PEX5L: variants seen among roughly 807,000 people sequenced by gnomAD.
PEX5L encodes peroxisomal biogenesis factor 5 like, also known as PEX5-related protein.
A neutral mutation model predicts 84.0 loss-of-function variants in PEX5L; 30 were observed. The observed-to-expected ratio is 0.36, with a 90% CI of 0.27 to 0.48. PEX5L has a LOEUF of 0.48. Ranked by LOEUF, PEX5L falls within the 20% of genes least tolerant of loss-of-function variation. The probability of loss-of-function intolerance (pLI) is 0.99; values close to 1 mark genes in which losing one functional copy is unlikely to be tolerated. For synonymous variants in PEX5L, 270 were observed against 283.1 expected (o/e 0.95, Z 0.46); for missense variants, 533 against 754.6 (o/e 0.71, Z 3.44).
intron 1 of PEX5L, among the ~76,000 whole-genome samples, chr3:180,013,028 T>G (rs1056955549): frequency 6.6e-5 from 10 of 152,314 alleles, no homozygotes; most frequent in Admixed American, 6.5e-4. Context: ...GGTCCTCAGT[T>G]GAGCTTTCTG....
At chr3:179,888,781 T>C (rs533424303) in intron 3 of PEX5L, among the ~76,000 whole-genome samples, 2 of 152,078 alleles carry the variant, frequency 1.3e-5, no homozygotes, top group South Asian at 4.2e-4. Context: ...TTTTGTTTTT[T>C]AAATAGGCAC....
intron 7 of PEX5L, among the ~76,000 whole-genome samples, chr3:179,861,548 G>A (rs949769549): frequency 2.0e-5 from 3 of 152,216 alleles, no homozygotes; most frequent in Non-Finnish European, 4.4e-5. Context: ...GGGTACCTCT[G>A]GGCTTGCAGG....
intron 1 of PEX5L, among the ~76,000 whole-genome samples, chr3:179,986,919 A>G (rs1372072643): frequency 6.6e-6 from 1 of 152,214 alleles, no homozygotes; most frequent in African/African-American, 2.4e-5. Context: ...AAAGGTCAAC[A>G]GCTCTTTATT....
intron 8 of PEX5L, among the ~76,000 whole-genome samples, chr3:179,828,014 A>T (rs1409956304): frequency 6.6e-6 from 1 of 152,070 alleles, no homozygotes; most frequent in African/African-American, 2.4e-5. Context: ...TCTACATCTG[A>T]CCAAATTTTT....
intron 7 of PEX5L, among the ~76,000 whole-genome samples, chr3:179,862,890 A>G (rs1258069071): frequency 6.6e-6 from 1 of 152,200 alleles, no homozygotes; most frequent in South Asian, 2.1e-4. Context: ...AGCAATCTTG[A>G]GCAAAAAGAA....
intron 8 of PEX5L, among the ~76,000 whole-genome samples, chr3:179,854,767 G>A (rs1463127028): frequency 3.9e-5 from 6 of 152,154 alleles, no homozygotes; most frequent in African/African-American, 1.4e-4. Flanking sequence ...ACCAGACATT[G>A]TTCTAGATAT....
At chr3:179,832,663 C>T (rs887089623) in intron 8 of PEX5L, among the ~76,000 whole-genome samples, 1 of 151,842 alleles carries the variant, frequency 6.6e-6, no homozygotes, top group Non-Finnish European at 1.5e-5. Flanking sequence ...TACCTACCTA[C>T]CCACCAACCT....
At chr3:180,018,750 C>A (rs894832396) in intron 1 of PEX5L, among the ~76,000 whole-genome samples, 1 of 152,148 alleles carries the variant, frequency 6.6e-6, no homozygotes, top group East Asian at 1.9e-4. Context: ...TCACACGAAG[C>A]CTTTCACCCA....
At chr3:179,846,922 A>G (rs4855118) in intron 8 of PEX5L, among the ~76,000 whole-genome samples, 3 of 151,844 alleles carry the variant, frequency 2.0e-5, no homozygotes, top group African/African-American at 7.3e-5. Flanking sequence ...ATGCAAATGG[A>G]AGATCTAGAG....
At chr3:179,882,451 A>G (rs559420692) in intron 4 of PEX5L, among the ~76,000 whole-genome samples, 36 of 152,182 alleles carry the variant, frequency 2.4e-4, no homozygotes, top group Admixed American at 7.2e-4. Flanking sequence ...AATGTGAAAC[A>G]AATGCTTGGC....
intron 2 of PEX5L, among the ~76,000 whole-genome samples, chr3:179,944,736 T>C (rs766343637): frequency 2.0e-4 from 30 of 152,366 alleles, no homozygotes; most frequent in Non-Finnish European, 3.1e-4. Context: ...CAGTTTTCAA[T>C]TGATGTTCAA....
chr3:179,816,633 T>G (rs1726217553), intron 9 of PEX5L, among the ~76,000 whole-genome samples: 1 of 152,138 alleles, frequency 6.6e-6, no homozygotes, highest in African/African-American at 2.4e-5. Flanking sequence ...AAATACTTAA[T>G]GTAGATGATG....
chr3:179,811,324 G>A (rs1723757248), intron 11 of PEX5L, among the ~76,000 whole-genome samples: 1 of 152,062 alleles, frequency 6.6e-6, no homozygotes, highest in Non-Finnish European at 1.5e-5. Context: ...GGTAGGGAAA[G>A]TGGAAGTCTA....
At chr3:180,013,575 T>C (rs757364539) in intron 1 of PEX5L, among the ~76,000 whole-genome samples, 3 of 152,168 alleles carry the variant, frequency 2.0e-5, no homozygotes, top group Non-Finnish European at 4.4e-5. Context: ...TCTTCAACTA[T>C]GGCTTGGAAC....
chr3:180,036,604 C>T lies in PEX5L; in HGVS notation c.-5G>A. On this transcript the variant is annotated 5_prime_UTR_variant, in exon 1 of 15. Transcript: ENST00000467460. ...CTGCATGTGTCCCTGGTACATTCTG[C>T]TTCGGTTTCTTCAGGGCTCCCTGAG... 1.9e-6 allele frequency: 3 copies of T among 1,614,184 alleles called. No individual in the cohort carries two copies. The highest frequency in any genetic ancestry group is 2.5e-6 in the Non-Finnish European group (3 of 1,179,978).
chr3:179,911,719 G>C (rs1326053102), intron 2 of PEX5L, among the ~76,000 whole-genome samples: 2 of 152,112 alleles, frequency 1.3e-5, no homozygotes, highest in African/African-American at 4.8e-5. Context: ...AGCAAGTCTG[G>C]ATCTGGTCCA....
At chr3:179,802,924 T>A (rs1244788707) in intron 14 of PEX5L, among the ~76,000 whole-genome samples, 3 of 152,188 alleles carry the variant, frequency 2.0e-5, no homozygotes, top group African/African-American at 7.2e-5. Context: ...CAAAGGCATT[T>A]AAAAACTTTG....
chr3:179,892,070 C>G (rs1354962349), intron 3 of PEX5L, among the ~76,000 whole-genome samples: 2 of 151,980 alleles, frequency 1.3e-5, no homozygotes, highest in East Asian at 3.9e-4. Flanking sequence ...AAAAGTAACC[C>G]AAAGGTTTCT....
chr3:179,834,575 AG>A (rs1480314950), intron 8 of PEX5L, among the ~76,000 whole-genome samples: 2 of 152,146 alleles, frequency 1.3e-5, no homozygotes, highest in Non-Finnish European at 2.9e-5. Context: ...GGGAAGGAGT[AG>A]GGCCGGGAGA....
Sources: gnomAD v4.1 joint callset for allele counts (sites outside exome capture counted in the v4.1 genomes callset) on GRCh38, gnomAD v4.1.1 for gene constraint, MANE v1.5 for transcripts, NCBI Gene and HGNC (gene_info 2026-07-23, HGNC 2026-07-21) for gene names.